Variants in DCAF6 observed in about 807,000 individuals in gnomAD.
The protein encoded by DCAF6 is DDB1- and CUL4-associated factor 6.
DCAF6 carries 54 observed loss-of-function variants against 125.1 expected under a neutral mutation model. That is an observed-to-expected ratio of 0.43 (90% CI 0.35 to 0.54). The LOEUF (loss-of-function observed/expected upper bound fraction) is 0.54. Ranked by LOEUF, DCAF6 falls within the 20% of genes least tolerant of loss-of-function variation. The pLI is 0.01. For missense variants in DCAF6, 934 were observed against 1,161.7 expected, an observed-to-expected ratio of 0.80 and a Z score of 2.85; for synonymous variants, 371 against 390.4, an observed-to-expected ratio of 0.95 and a Z score of 0.58.
At chr1:167,903,368 A>G in the DCAF6 span, among the ~76,000 whole-genome samples, 2 of 152,202 alleles carry the variant, frequency 1.3e-5, no homozygotes, top group Non-Finnish European at 2.9e-5. Context: ...GTTTGAGACC[A>G]GCCTGGCCAA....
chr1:168,045,302 ATC>A (rs1689030128), intron 16 of DCAF6, 75 bp downstream of exon 16: 1 of 1,354,950 alleles, frequency 7.4e-7, no homozygotes. Context: ...ATTGAAGGGA[ATC>A]TCTCCATTTT....
chr1:168,058,368 T>C (rs1691161266), intron 17 of DCAF6, among the ~76,000 whole-genome samples: 1 of 152,216 alleles, frequency 6.6e-6, no homozygotes, highest in Admixed American at 6.5e-5. Context: ...TTTTCCAAAG[T>C]GGGAGTGTAA....
chr1:168,004,070 A>G (rs1683006408), intron 9 of DCAF6, 81 bp downstream of exon 9: 1 of 1,488,386 alleles, frequency 6.7e-7, no homozygotes, highest in Non-Finnish European at 9.2e-7. Context: ...CTATCATGTA[A>G]ATTATACCAT....
In DCAF6 at chr1:168,044,454, T is replaced by C. The variant is rs1209989789; in HGVS notation, c.1844-131T>C. On this transcript the variant is annotated intron_variant, in intron 14 of 21. Coordinates refer to ENST00000367840, the MANE Select transcript of DCAF6 (RefSeq NM_001198956.2). ...TTTACAGTATAAGGAAGGGTATGCA[T>C]AGGTTATATGCAAATATTATGCCAT... 34 of 672,978 alleles carry C rather than the reference T, an allele frequency of 5.1e-5. No individual in the cohort carries two copies. In the East Asian group the frequency reaches 8.5e-4, roughly 17 times the overall value. 41.7% of individuals were successfully genotyped at this position (672,978 alleles called of 1,614,324 possible).
At chr1:168,062,898 T>G (rs1417437651) in intron 17 of DCAF6, among the ~76,000 whole-genome samples, 1 of 151,128 alleles carries the variant, frequency 6.6e-6, no homozygotes, top group Admixed American at 6.6e-5. Flanking sequence ...GTTTTATTGC[T>G]TATATATTAA....
chr1:167,932,823 A>AAAAAGAAAAG (rs1268260359), upstream of DCAF6, among the ~76,000 whole-genome samples: 3 of 150,652 alleles, frequency 2.0e-5, no homozygotes, highest in African/African-American at 7.4e-5. Context: ...AAAAAAAAAA[A>AAAAAGAAAAG]AAAAGAAAAG....
At chr1:167,920,550 T>C in the DCAF6 span, 3 of 1,613,634 alleles carry the variant, frequency 1.9e-6, no homozygotes, top group Non-Finnish European at 2.5e-6. Flanking sequence ...AATTTACCTG[T>C]AGCCATCAAA....
intron 12 of DCAF6, among the ~76,000 whole-genome samples, chr1:168,026,263 G>A (rs369113107): frequency 6.6e-6 from 1 of 151,946 alleles, no homozygotes; most frequent in South Asian, 2.1e-4. Context: ...TTTCCTCTAT[G>A]CCTAAAATCA....
chr1:167,985,244 C>T (rs914824058), intron 4 of DCAF6, among the ~76,000 whole-genome samples: 11 of 151,242 alleles, frequency 7.3e-5, no homozygotes, highest in East Asian at 1.9e-4. Context: ...TGTGCGTGCG[C>T]GTGTGCACGT....
At chr1:167,896,964 ACT>A in the DCAF6 span, among the ~76,000 whole-genome samples, 1 of 152,148 alleles carries the variant, frequency 6.6e-6, no homozygotes, top group East Asian at 1.9e-4. Context: ...TGCCCTTAGA[ACT>A]TTTTCCTGCT....
the DCAF6 span, among the ~76,000 whole-genome samples, chr1:167,909,824 TG>T: frequency 6.6e-6 from 1 of 152,136 alleles, no homozygotes; most frequent in African/African-American, 2.4e-5. Flanking sequence ...AGGTAAGTGG[TG>T]GTGAGGAGAC....
chr1:167,896,419 T>A, the DCAF6 span, among the ~76,000 whole-genome samples: 1 of 151,638 alleles, frequency 6.6e-6, no homozygotes, highest in East Asian at 1.9e-4. Context: ...GTGTGGGGAG[T>A]GTCATACTTA....
chr1:167,991,169 ACTAT>A, intron 5 of DCAF6, 31 bp from the exon 6 acceptor site: 6 of 1,570,216 alleles, frequency 3.8e-6, no homozygotes, highest in Non-Finnish European at 5.2e-6. Flanking sequence ...CTGCTGTATA[ACTAT>A]ATGTAATTGG....
intron 4 of DCAF6, among the ~76,000 whole-genome samples, chr1:167,979,064 T>G (rs1450964654): frequency 5.9e-5 from 9 of 152,342 alleles, no homozygotes; most frequent in African/African-American, 2.2e-4. Flanking sequence ...ATGAAGATAT[T>G]CTTCTACTTT....
At chr1:167,884,722 G>T in the DCAF6 span, among the ~76,000 whole-genome samples, 1 of 141,230 alleles carries the variant, frequency 7.1e-6, no homozygotes, top group Non-Finnish European at 1.5e-5. Flanking sequence ...TTTTGAGACG[G>T]AGTCTCGCTC....
chr1:168,006,904 C>T (rs1683409019), intron 10 of DCAF6, among the ~76,000 whole-genome samples: 1 of 152,128 alleles, frequency 6.6e-6, no homozygotes, highest in Middle Eastern at 3.2e-3. Flanking sequence ...AATTGTCTGC[C>T]TTCTCTTAGT....
rs1173295361 is a variant in DCAF6, at chr1:168,010,248, A to G, written c.1378+5455A>G. Among the ~76,000 whole-genome samples the G allele has an allele frequency of 1.3e-5, 2 of 152,174 alleles. 1 individual carries two copies. ...TTAAGGTAACTTACAGAAATACTTT[A>G]AAAAATTGTCTCATTATATATATAT... On this transcript the variant is annotated intron_variant, in intron 10 of 21. Transcript: ENST00000367840.
chr1:167,925,835 C>T, the DCAF6 span, among the ~76,000 whole-genome samples: 1 of 152,154 alleles, frequency 6.6e-6, no homozygotes, highest in South Asian at 2.1e-4. Flanking sequence ...GCGTGAGCCA[C>T]CGTGCCCGGC....
chr1:167,936,699 C>T lies in DCAF6; in HGVS notation c.-213C>T, dbSNP rs1463373316. 4 of 561,512 alleles carry T rather than the reference C, an allele frequency of 7.1e-6. No individual in the cohort carries two copies. Among genetic ancestry groups the T allele is most frequent in the South Asian group, 6.3e-5 (3 of 47,890 alleles). 34.8% of individuals were successfully genotyped at this position (561,512 alleles called of 1,614,324 possible). The stretch of plus-strand genomic sequence containing the variant: ...CTGATCTTTGGATGTTCTGGTTAGT[C>T]TAAGAAGGAGAGTATGAGGCGAGCT... On this transcript the variant is annotated 5_prime_UTR_variant, in exon 1 of 22. Coordinates refer to ENST00000367840, the MANE Select transcript of DCAF6 (RefSeq NM_001198956.2).
Sources: allele counts gnomAD v4.1 joint callset (sites outside exome capture counted in the v4.1 genomes callset), GRCh38; gene constraint gnomAD v4.1.1; transcripts MANE v1.5; gene names NCBI Gene and HGNC (gene_info 2026-07-23, HGNC 2026-07-21).